The following CADM2 variants were observed in gnomAD, a reference collection of about 807,000 sequenced individuals.
CADM2 encodes cell adhesion molecule 2.
A neutral mutation model predicts 49.8 loss-of-function variants in CADM2; 12 were observed. That is an observed-to-expected ratio of 0.24 (90% CI 0.15 to 0.39). CADM2 has a LOEUF of 0.39. Among genes scored for constraint, CADM2 ranks in the 10% least tolerant of loss-of-function variants. CADM2 has a pLI of 1.00. For synonymous variants in CADM2, 214 were observed against 175.4 expected, an observed-to-expected ratio of 1.22 and a Z score of -1.74; for missense variants, 378 against 492.3, an observed-to-expected ratio of 0.77 and a Z score of 2.20.
rs59038758 is a variant in CADM2, at chr3:85,995,014, TAAA to T, written c.970+33385_970+33387del. Among the ~76,000 whole-genome samples the T allele has an allele frequency of 2.9e-4, 24 of 83,026 alleles. No individual in the cohort carries two copies. In the East Asian group the frequency reaches 7.4e-3, roughly 26 times the overall value. The allele number at this position is 83,026 out of a possible 152,430, so 54.5% of individuals were successfully genotyped here. A position where few individuals can be genotyped will look rare whatever the true frequency, so the allele number is the denominator to read the frequency against. ...GGGTTGCCACAAATCTTCGATTTGT[TAAA>T]AAAAAAAAAAAAAAAAATCATTATC... On this transcript the variant is annotated intron_variant, in intron 8 of 9. Transcript: ENST00000383699.
chr3:85,959,569 G>A (rs1172941748), intron 7 of CADM2, among the ~76,000 whole-genome samples: 1 of 151,840 alleles, frequency 6.6e-6, no homozygotes, highest in Non-Finnish European at 1.5e-5. Context: ...GGACTTAGAA[G>A]CTCTGTGTCA....
chr3:86,033,403 AT>A (rs1734770997), intron 8 of CADM2, among the ~76,000 whole-genome samples: 1 of 151,842 alleles, frequency 6.6e-6, no homozygotes, highest in African/African-American at 2.4e-5. Flanking sequence ...ATAAGATACC[AT>A]TATTTCCTCT....
chr3:85,935,327 A>T (rs1721074578), intron 6 of CADM2, among the ~76,000 whole-genome samples: 1 of 152,092 alleles, frequency 6.6e-6, no homozygotes, highest in Non-Finnish European at 1.5e-5. Flanking sequence ...ATTGAGCTTG[A>T]GTTCATTGTG....
At chr3:85,832,729 A>G (rs2074236587) in intron 3 of CADM2, among the ~76,000 whole-genome samples, 3 of 151,980 alleles carry the variant, frequency 2.0e-5, no homozygotes, top group African/African-American at 7.2e-5. Flanking sequence ...TTTTCTGGGT[A>G]TAGAATCGTA....
At chr3:85,815,368 C>G (rs1396508639) in intron 3 of CADM2, among the ~76,000 whole-genome samples, 1 of 152,122 alleles carries the variant, frequency 6.6e-6, no homozygotes, top group Non-Finnish European at 1.5e-5. Flanking sequence ...CAAACTGTAT[C>G]CAGCAGCACA....
chr3:85,127,603 T>C (rs992279355), intron 1 of CADM2, among the ~76,000 whole-genome samples: 1 of 152,172 alleles, frequency 6.6e-6, no homozygotes, highest in African/African-American at 2.4e-5. Context: ...CTGGAGAAAA[T>C]CAAACAATGC....
intron 1 of CADM2, among the ~76,000 whole-genome samples, chr3:85,070,617 A>G (rs1338298037): frequency 6.6e-6 from 1 of 152,206 alleles, no homozygotes; most frequent in Non-Finnish European, 1.5e-5. Context: ...AAATAGAACA[A>G]AAAAAGGAAC....
chr3:85,085,052 C>T (rs2037317350), intron 1 of CADM2, among the ~76,000 whole-genome samples: 1 of 152,076 alleles, frequency 6.6e-6, no homozygotes, highest in Non-Finnish European at 1.5e-5. Context: ...CATCACCTCA[C>T]ATACTAATTT....
chr3:85,342,836 T>C (rs374237771), intron 1 of CADM2, among the ~76,000 whole-genome samples: 58 of 152,072 alleles, frequency 3.8e-4, no homozygotes, highest in Non-Finnish European at 6.5e-4. Context: ...AAGAAGAGAG[T>C]CATAGCTGTA....
rs192032263 is a variant in CADM2 at position 85,896,919 on chromosome 3, G to C, written c.529+10592G>C. On this transcript the variant is annotated intron_variant, in intron 5 of 9. Coordinates refer to ENST00000383699, the MANE Select transcript of CADM2 (RefSeq NM_001167675.2). ...GTAGTTTACAAAATGCAGATTCCTG[G>C]TTTTAAAGTAGACTTACTAAGTCAG... is the stretch of plus-strand genomic sequence containing the variant. 9.1e-4 allele frequency among the ~76,000 whole-genome samples: 139 copies of C among 152,208 alleles called. 1 individual carries two copies. Among genetic ancestry groups the C allele is most frequent in the African/African-American group, 3.2e-3 (133 of 41,532 alleles).
chr3:85,824,661 TCCC>T lies in CADM2; in HGVS notation c.238+22466_238+22468del, dbSNP rs1577405324. Among the ~76,000 whole-genome samples the T allele has an allele frequency of 6.6e-5, 10 of 152,120 alleles. No homozygotes were observed. In the East Asian group the frequency reaches 1.9e-3, roughly 30 times the overall value. On this transcript the variant is annotated intron_variant, in intron 3 of 9. Transcript: ENST00000383699. ...TTGTAATGTTTAAATTGTTCAAAAG[TCCC>T]TAAAATTGCCCCCAAGCATGAGAAG...
chr3:85,153,399 A>C (rs2039996681), intron 1 of CADM2, among the ~76,000 whole-genome samples: 1 of 152,244 alleles, frequency 6.6e-6, no homozygotes, highest in Non-Finnish European at 1.5e-5. Flanking sequence ...ATGGCGCACC[A>C]GGAGATTATA....
At chr3:85,834,720 T>C (rs1441509728) in intron 3 of CADM2, among the ~76,000 whole-genome samples, 1 of 150,882 alleles carries the variant, frequency 6.6e-6, no homozygotes, top group African/African-American at 2.4e-5. Flanking sequence ...TGGGTTAAGT[T>C]TTCCTGTATC....
intron 2 of CADM2, among the ~76,000 whole-genome samples, chr3:85,757,326 A>G (rs913347294): frequency 2.0e-5 from 3 of 152,132 alleles, no homozygotes; most frequent in Admixed American, 6.6e-5. Context: ...CACCTACATT[A>G]CGAAAGACAA....
intron 2 of CADM2, among the ~76,000 whole-genome samples, chr3:85,783,414 T>C (rs912653854): frequency 1.3e-5 from 2 of 152,164 alleles, no homozygotes; most frequent in African/African-American, 2.4e-5. Context: ...GTTTCTGCTG[T>C]GGTAACATTT....
intron 1 of CADM2, among the ~76,000 whole-genome samples, chr3:84,966,223 A>G (rs1356471614): frequency 6.6e-6 from 1 of 152,166 alleles, no homozygotes; most frequent in Non-Finnish European, 1.5e-5. Flanking sequence ...GATCAGTTAA[A>G]TATTAATGTC....
At chr3:85,183,332 T>A (rs1164178854) in intron 1 of CADM2, among the ~76,000 whole-genome samples, 1 of 152,180 alleles carries the variant, frequency 6.6e-6, no homozygotes, top group African/African-American at 2.4e-5. Flanking sequence ...CATTTTGCAA[T>A]ACATTCTGTT....
intron 8 of CADM2, among the ~76,000 whole-genome samples, chr3:85,999,806 G>A (rs1015561479): frequency 1.8e-4 from 28 of 152,058 alleles, no homozygotes; most frequent in African/African-American, 6.8e-4. Context: ...AAGTCGATGG[G>A]ACATAAAATA....
chr3:85,057,911 C>T (rs1334559404), intron 1 of CADM2, among the ~76,000 whole-genome samples: 3 of 152,048 alleles, frequency 2.0e-5, no homozygotes, highest in Admixed American at 6.6e-5. Flanking sequence ...TTGCATTTTC[C>T]CCAGAAACTT....
Sources: allele counts gnomAD v4.1 joint callset (sites outside exome capture counted in the v4.1 genomes callset), GRCh38; gene constraint gnomAD v4.1.1; transcripts MANE v1.5; gene names NCBI Gene and HGNC (gene_info 2026-07-23, HGNC 2026-07-21).